The following VPS13B variants were observed in gnomAD, a reference collection of about 807,000 sequenced individuals.
The protein encoded by VPS13B is vacuolar protein sorting 13 homolog B, also known as intermembrane lipid transfer protein VPS13B.
In VPS13B, 285 loss-of-function variants were observed where a neutral mutation model predicts 426.4. That is an observed-to-expected ratio of 0.67 (90% CI 0.61 to 0.74). The LOEUF is 0.74. VPS13B is among the 30% of genes least tolerant of loss of function. The probability of loss-of-function intolerance (pLI) is 0.00; values close to 1 mark genes in which losing one functional copy is unlikely to be tolerated. For missense variants in VPS13B, 4,537 were observed against 4,782.6 expected, an observed-to-expected ratio of 0.95 and a Z score of 1.51; for synonymous variants, 1,676 against 1,676.4, an observed-to-expected ratio of 1.00 and a Z score of 0.01.
chr8:99,695,001 T>C (rs1395330099), intron 35 of VPS13B, among the ~76,000 whole-genome samples: 2 of 148,812 alleles, frequency 1.3e-5, no homozygotes, highest in African/African-American at 4.9e-5. Context: ...CTATGAGATA[T>C]CATCTCACAC....
At chr8:99,128,088 G>A (rs986997233) in intron 8 of VPS13B, among the ~76,000 whole-genome samples, 113 of 152,050 alleles carry the variant, frequency 7.4e-4, no homozygotes, top group African/African-American at 2.6e-3. Context: ...TCATTAAGTG[G>A]TAATTTTAAA....
intron 29 of VPS13B, among the ~76,000 whole-genome samples, chr8:99,516,787 CAAAAAAAAAAAAAAAAAAA>C (rs528490868): frequency 1.8e-4 from 3 of 16,686 alleles, no homozygotes; most frequent in African/African-American, 8.2e-4. Flanking sequence ...GACCGTGTCT[CAAAAAAAAAAAAAAAAAAA>C]AAAAAAAAAA....
chr8:99,257,559 T>C (rs1817814821), intron 17 of VPS13B, among the ~76,000 whole-genome samples: 1 of 70,598 alleles, frequency 1.4e-5, no homozygotes, highest in Non-Finnish European at 3.1e-5. Flanking sequence ...AGTGCATGTG[T>C]GTACACACAC....
intron 19 of VPS13B, among the ~76,000 whole-genome samples, chr8:99,298,913 T>C (rs1256681993): frequency 6.6e-6 from 1 of 152,146 alleles, no homozygotes; most frequent in Non-Finnish European, 1.5e-5. Context: ...AAGGAGTGAG[T>C]GGCAGGTGCT....
chr8:99,242,627 C>T (rs568871274), intron 17 of VPS13B, among the ~76,000 whole-genome samples: 1 of 152,114 alleles, frequency 6.6e-6, no homozygotes, highest in Non-Finnish European at 1.5e-5. Context: ...ATCTGAAACA[C>T]ACTGAATTTG....
At chr8:99,216,917 C>T (rs1180295867) in intron 17 of VPS13B, among the ~76,000 whole-genome samples, 1 of 151,846 alleles carries the variant, frequency 6.6e-6, no homozygotes, top group South Asian at 2.1e-4. Flanking sequence ...GAAAGTGAGG[C>T]GTTGATGTTT....
intron 54 of VPS13B, among the ~76,000 whole-genome samples, chr8:99,848,499 C>A (rs187104694): frequency 3.0e-4 from 46 of 152,226 alleles, no homozygotes; most frequent in African/African-American, 1.1e-3. Context: ...GAGTTACTTG[C>A]CAGTTCCAAA....
At chr8:99,858,151 A>G (rs1331565791) in intron 56 of VPS13B, among the ~76,000 whole-genome samples, 1 of 152,136 alleles carries the variant, frequency 6.6e-6, no homozygotes, top group Admixed American at 6.5e-5. Flanking sequence ...CCTTCCCATT[A>G]CCGGGCTCTG....
chr8:99,107,084 C>T (rs1200818853), intron 5 of VPS13B, among the ~76,000 whole-genome samples: 1 of 152,088 alleles, frequency 6.6e-6, no homozygotes, highest in East Asian at 1.9e-4. Flanking sequence ...CTATGTTAAG[C>T]TTCAGAGATA....
chr8:99,447,816 G>A (rs907658369), intron 23 of VPS13B, among the ~76,000 whole-genome samples: 1 of 151,678 alleles, frequency 6.6e-6, no homozygotes, highest in South Asian at 2.1e-4. Context: ...TTATCGTGTT[G>A]CTGTAAATAG....
chr8:99,749,910 C>T (rs779801680), intron 39 of VPS13B, among the ~76,000 whole-genome samples: 29 of 151,944 alleles, frequency 1.9e-4, no homozygotes, highest in Non-Finnish European at 3.2e-4. Context: ...TTTATTATTG[C>T]CTGTCTTTTG....
chr8:99,131,602 A>G (rs1809808749), intron 8 of VPS13B, among the ~76,000 whole-genome samples: 1 of 152,170 alleles, frequency 6.6e-6, no homozygotes, highest in Non-Finnish European at 1.5e-5. Context: ...TAGTTTGTTA[A>G]GTGTCCAACA....
chr8:99,740,546 G>A (rs578119102), intron 39 of VPS13B, among the ~76,000 whole-genome samples: 59 of 152,228 alleles, frequency 3.9e-4, no homozygotes, highest in Middle Eastern at 6.8e-3. Flanking sequence ...TTGAAACAAT[G>A]GAAAAAATGT....
chr8:99,426,062 C>A (rs1056292327), intron 21 of VPS13B, among the ~76,000 whole-genome samples: 15 of 126,738 alleles, frequency 1.2e-4, no homozygotes, highest in Non-Finnish European at 2.0e-4. Context: ...CCCTCCCCCC[C>A]TCCCCCCACC....
At chr8:99,393,393 A>G (rs1213898890) in intron 21 of VPS13B, among the ~76,000 whole-genome samples, 1 of 152,128 alleles carries the variant, frequency 6.6e-6, no homozygotes, top group Admixed American at 6.6e-5. Context: ...AGCTGAAAAC[A>G]TAATTTCTCA....
At chr8:99,419,937 G>A (rs1010809231) in intron 21 of VPS13B, among the ~76,000 whole-genome samples, 1 of 152,144 alleles carries the variant, frequency 6.6e-6, no homozygotes, top group African/African-American at 2.4e-5. Context: ...CTCTGTTGGT[G>A]TCAGCACTGT....
intron 17 of VPS13B, among the ~76,000 whole-genome samples, chr8:99,269,657 C>G (rs1818474603): frequency 6.6e-6 from 1 of 152,166 alleles, no homozygotes; most frequent in Admixed American, 6.5e-5. Flanking sequence ...CTTATTTGCT[C>G]TTTTTGTTTC....
intron 52 of VPS13B, among the ~76,000 whole-genome samples, chr8:99,834,539 A>AT (rs66695321): frequency 0.14 from 20,918 of 144,904 alleles, 1,860 homozygotes; most frequent in East Asian, 0.33. Flanking sequence ...TCTTATTTTT[A>AT]TTTTTTATTT....
intron 48 of VPS13B, 88 bp from the exon 49 acceptor site, chr8:99,819,833 A>T: frequency 1.3e-6 from 2 of 1,509,500 alleles, no homozygotes; most frequent in Non-Finnish European, 1.8e-6. Context: ...ATGCAGGAGC[A>T]TGGTGTGTTT....
Sources: gnomAD v4.1 joint callset for allele counts (sites outside exome capture counted in the v4.1 genomes callset) on GRCh38, gnomAD v4.1.1 for gene constraint, MANE v1.5 for transcripts, NCBI Gene and HGNC (gene_info 2026-07-23, HGNC 2026-07-21) for gene names.